Variants in EIF4E observed in about 807,000 individuals in gnomAD.
EIF4E encodes the protein eIF-4F 25 kDa subunit.
For synonymous variants in EIF4E, 71 were observed against 88.5 expected (o/e 0.80, Z 1.11); for missense variants, 113 against 265.6 (o/e 0.43, Z 3.99).
At chr4:98,894,025 GC>G (rs1188901007) in intron 2 of EIF4E, among the ~76,000 whole-genome samples, 2 of 152,214 alleles carry the variant, frequency 1.3e-5, no homozygotes, top group African/African-American at 4.8e-5. Flanking sequence ...GAGCTCTTGG[GC>G]GACTAGGCGC....
rs116113552 is a variant in EIF4E, at chr4:98,908,192, A to G, written c.19-6210T>C. Among the ~76,000 whole-genome samples, 671 of 152,194 alleles carry G rather than the reference A, an allele frequency of 4.4e-3. 8 individuals carry two copies. The highest frequency in any genetic ancestry group is 4.4e-3 in the Non-Finnish European group (299 of 67,998). On this transcript the variant is annotated intron_variant, in intron 1 of 6. Transcript: ENST00000450253. ...CTTCCCCACCTTCACCCCACCCCCAATCATACACACAGTAAGTAGGGATAT... is the reference window on the plus strand; with the variant it reads ...CTTCCCCACCTTCACCCCACCCCCAGTCATACACACAGTAAGTAGGGATAT...
At chr4:98,907,094 C>G (rs538854805) in intron 1 of EIF4E, among the ~76,000 whole-genome samples, 66 of 152,172 alleles carry the variant, frequency 4.3e-4, no homozygotes, top group Non-Finnish European at 8.1e-4. Context: ...ATATGACCAG[C>G]CACTATGCTG....
intron 2 of EIF4E, among the ~76,000 whole-genome samples, chr4:98,896,647 G>A (rs1221005249): frequency 8.7e-6 from 1 of 114,926 alleles, no homozygotes; most frequent in South Asian, 3.1e-4. Flanking sequence ...CTGGGCGACA[G>A]AATGGGACCA....
chr4:98,927,450 G>C (rs921822991), intron 1 of EIF4E, among the ~76,000 whole-genome samples: 1 of 151,580 alleles, frequency 6.6e-6, no homozygotes, highest in Non-Finnish European at 1.5e-5. Flanking sequence ...GAGGTCAGGA[G>C]TTTCAGACCA....
In EIF4E at chr4:98,884,951, A is replaced by C. The variant is rs1723853209; in HGVS notation, c.510T>G (p.Cys170Trp). Residue 170 changes from cysteine to tryptophan, a missense_variant, in exon 6 of 7, where the codon TGT becomes TGG. Coordinates refer to ENST00000450253, the MANE Select transcript of EIF4E (RefSeq NM_001968.5). ...TATGTGTAACAGCTTCTCTGTTTTCACATTCAGTAGTCCATATTGCTATCT... is the reference window on the plus strand; with the variant it reads ...TATGTGTAACAGCTTCTCTGTTTTCCCATTCAGTAGTCCATATTGCTATCT... The part of the protein sequence containing the change: ...GDKIAIWTTE[C>W]ENREAVTHIG... 6.2e-7 allele frequency: 1 copy of C among 1,613,332 alleles called. No homozygotes were observed. Among genetic ancestry groups the C allele is most frequent in the Non-Finnish European group, 8.5e-7 (1 of 1,179,916 alleles).
intron 2 of EIF4E, among the ~76,000 whole-genome samples, chr4:98,896,112 C>T (rs570528636): frequency 6.6e-6 from 1 of 152,232 alleles, no homozygotes; most frequent in African/African-American, 2.4e-5. Flanking sequence ...AGGAGAATCG[C>T]TTGAACCTGG....
At chr4:98,888,346 A>C (rs994450691) in intron 3 of EIF4E, among the ~76,000 whole-genome samples, 1 of 150,090 alleles carries the variant, frequency 6.7e-6, no homozygotes, top group Non-Finnish European at 1.5e-5. Context: ...AAACAAAAAC[A>C]AAAACCAGAA....
Position 98,929,130 on chromosome 4 carries a change from G to T in EIF4E, c.-18C>A. On this transcript the variant is annotated 5_prime_UTR_variant, in exon 1 of 7. Transcript: ENST00000450253. ...GTCGCCATCTTAGATCGATCTGATC[G>T]CACAACCGCTCCAGAAGGGGGGGTA... 6.4e-7 allele frequency: 1 copy of T among 1,563,856 alleles called. No homozygotes were observed. The highest frequency in any genetic ancestry group is 8.7e-7 in the Non-Finnish European group (1 of 1,153,720).
intron 6 of EIF4E, 133 bp from the exon 7 acceptor site, chr4:98,881,275 T>C: frequency 7.0e-7 from 1 of 1,434,384 alleles, no homozygotes; most frequent in Non-Finnish European, 9.2e-7. Flanking sequence ...GGAAATTAAT[T>C]ATACACCCTT....
chr4:98,881,773 C>G (rs1723701278), intron 6 of EIF4E, among the ~76,000 whole-genome samples: 1 of 152,180 alleles, frequency 6.6e-6, no homozygotes, highest in Admixed American at 6.5e-5. Flanking sequence ...TTCTGCTTTA[C>G]ATACTAACTT....
At chr4:98,884,831 A>C (rs1418671207) in intron 6 of EIF4E, 91 bp downstream of exon 6, 14 of 1,523,804 alleles carry the variant, frequency 9.2e-6, no homozygotes, top group Non-Finnish European at 1.3e-5. Flanking sequence ...AGGATCTACA[A>C]ACTGAAGTAT....
intron 1 of EIF4E, 158 bp downstream of exon 1, chr4:98,928,937 C>T (rs769566235): frequency 1.9e-6 from 3 of 1,576,798 alleles, no homozygotes; most frequent in Non-Finnish European, 2.6e-6. Context: ...TCCTCCGGGA[C>T]GTCCCCACTT....
At chr4:98,918,974 G>C (rs1725526690) in intron 1 of EIF4E, among the ~76,000 whole-genome samples, 1 of 152,060 alleles carries the variant, frequency 6.6e-6, no homozygotes, top group Non-Finnish European at 1.5e-5. Context: ...CTTGAGTTTT[G>C]AACACTGTAA....
intron 1 of EIF4E, among the ~76,000 whole-genome samples, chr4:98,925,127 A>G (rs1725814751): frequency 6.6e-6 from 1 of 152,206 alleles, no homozygotes; most frequent in African/African-American, 2.4e-5. Flanking sequence ...GCTGTGTAGT[A>G]CAGAGCATGT....
intron 1 of EIF4E, among the ~76,000 whole-genome samples, chr4:98,914,175 G>A (rs1725271399): frequency 6.6e-6 from 1 of 151,498 alleles, no homozygotes; most frequent in Non-Finnish European, 1.5e-5. Flanking sequence ...GGCCAACATG[G>A]TGAAACCTCG....
chr4:98,885,105 G>A (rs752434060), intron 5 of EIF4E, 44 bp from the exon 6 acceptor site: 4 of 1,587,162 alleles, frequency 2.5e-6, no homozygotes, highest in Non-Finnish European at 1.7e-6. Flanking sequence ...TTATAAACAA[G>A]CTCATTACAC....
intron 2 of EIF4E, among the ~76,000 whole-genome samples, chr4:98,896,330 C>T (rs1009516685): frequency 1.3e-5 from 2 of 151,720 alleles, no homozygotes; most frequent in East Asian, 1.9e-4. Context: ...TATGATCATG[C>T]CACTGCACGC....
At chr4:98,912,973 G>A (rs573354400) in intron 1 of EIF4E, among the ~76,000 whole-genome samples, 4 of 152,266 alleles carry the variant, frequency 2.6e-5, no homozygotes, top group Middle Eastern at 3.4e-3. Flanking sequence ...TTGGGAGGCC[G>A]AGGCAGGCGG....
chr4:98,917,518 C>A (rs946693157), intron 1 of EIF4E, among the ~76,000 whole-genome samples: 1 of 152,068 alleles, frequency 6.6e-6, no homozygotes, highest in Non-Finnish European at 1.5e-5. Context: ...TTTTTATGAG[C>A]CTTCATCCAA....
Sources: allele counts gnomAD v4.1 joint callset (sites outside exome capture counted in the v4.1 genomes callset), GRCh38; gene constraint gnomAD v4.1.1; transcripts MANE v1.5; gene names NCBI Gene and HGNC (gene_info 2026-07-23, HGNC 2026-07-21).